Variants in F9 observed in about 807,000 individuals in gnomAD.
F9 encodes coagulation factor IX.
F9 carries 2 observed loss-of-function variants against 34.1 expected under a neutral mutation model. The ratio of observed to expected loss-of-function variants is 0.06; its 90% CI spans 0.02 to 0.18. The LOEUF (loss-of-function observed/expected upper bound fraction) is 0.18, where lower values mean the gene tolerates loss of function less well. Among genes scored for constraint, F9 ranks in the 10% least tolerant of loss-of-function variants. The probability of loss-of-function intolerance (pLI) is 1.00; values close to 1 mark genes in which losing one functional copy is unlikely to be tolerated. For missense variants in F9, 216 were observed against 345.1 expected (o/e 0.63, Z 2.96); for synonymous variants, 137 against 118.8 (o/e 1.15, Z -1.00).
intron 3 of F9, among the ~76,000 whole-genome samples, chrX:139,538,381 T>C (rs1927531447): frequency 9.0e-6 from 1 of 111,511 alleles, no homozygotes; most frequent in African/African-American, 3.3e-5. Flanking sequence ...GGAGGGTAAG[T>C]TTCAAAGATT....
intron 3 of F9, among the ~76,000 whole-genome samples, chrX:139,539,851 G>T (rs986333629): frequency 2.5e-4 from 28 of 111,265 alleles, no homozygotes; most frequent in African/African-American, 8.5e-4. Flanking sequence ...TCCAGGGAGG[G>T]ACTACTTATG....
intron 4 of F9, among the ~76,000 whole-genome samples, chrX:139,544,228 A>G (rs1275352480): frequency 6.3e-5 from 7 of 111,993 alleles, no homozygotes; most frequent in Non-Finnish European, 1.3e-4. Context: ...TTGACGGAAC[A>G]CTTTCTACAG....
chrX:139,537,429 T>A, intron 3 of F9, 43 bp downstream of exon 3: 1 of 1,064,278 alleles, frequency 9.4e-7, no homozygotes, highest in Non-Finnish European at 1.3e-6. Flanking sequence ...ATGAAACATA[T>A]GAGAATTATG....
At chrX:139,531,505 AAC>A (rs768074649) in intron 1 of F9, among the ~76,000 whole-genome samples, 3 of 112,413 alleles carry the variant, frequency 2.7e-5, no homozygotes, top group Non-Finnish European at 5.6e-5. Context: ...TATTTGGGGA[AAC>A]ACAATACTCA....
Position 139,551,137 on chromosome X carries a change from T to C in F9, c.596T>C (p.Val199Ala). 2.5e-6 allele frequency: 3 copies of C among 1,211,299 alleles called. No homozygotes were observed. Among genetic ancestry groups the C allele is most frequent in the Non-Finnish European group, 3.4e-6 (3 of 894,868 alleles). The part of the protein sequence containing the change: ...LTRAETVFPD[V>A]DYVNSTEAET... The stretch of plus-strand genomic sequence containing the variant: ...CGTGCTGAGACTGTTTTTCCTGATG[T>C]GGACTATGTAAATTCTACTGAAGCT... The change falls in exon 6 of 8, where the codon GTG (valine) becomes GCG (alanine). Residue 199 changes from valine (V) to alanine (A), a missense_variant. This residue lies in a region of F9 where 177 missense variants were observed against 311.8 expected (regional missense o/e 0.57). Transcript: ENST00000218099.
rs754300194 is a variant in F9, at chrX:139,563,267, G to A, written c.*1196G>A. The A allele has an allele frequency of 9.0e-6, 1 of 110,739 alleles. No individual in the cohort carries two copies. The highest frequency in any genetic ancestry group is 9.6e-5 in the Admixed American group (1 of 10,363). 9.1% of individuals were successfully genotyped at this position (110,739 alleles called of 1,213,427 possible). ...TCCTTTAACTAGCATACCCCGAAGT[G>A]GAGAAGGGTGCAGCAGGCTCAAAGG... On this transcript the variant is annotated 3_prime_UTR_variant, in exon 8 of 8. Coordinates refer to ENST00000218099, the MANE Select transcript of F9 (RefSeq NM_000133.4).
At chrX:139,534,146 A>G (rs1370637401) in intron 1 of F9, among the ~76,000 whole-genome samples, 1 of 112,239 alleles carries the variant, frequency 8.9e-6, no homozygotes, top group Non-Finnish European at 1.9e-5. Context: ...GAAAAGAGCT[A>G]CACAGAAGTT....
intron 4 of F9, among the ~76,000 whole-genome samples, chrX:139,546,252 A>G (rs918360301): frequency 3.6e-5 from 4 of 112,021 alleles, no homozygotes; most frequent in Non-Finnish European, 7.5e-5. Context: ...AAAAGACATA[A>G]TCTCCTTCTT....
At chrX:139,534,585 C>G (rs1256227508) in intron 1 of F9, among the ~76,000 whole-genome samples, 1 of 112,367 alleles carries the variant, frequency 8.9e-6, no homozygotes, top group Non-Finnish European at 1.9e-5. Context: ...ATTCCCTAAA[C>G]AATACAGCAT....
At chrX:139,536,167 A>G (rs1442664789) in intron 1 of F9, among the ~76,000 whole-genome samples, 1 of 106,018 alleles carries the variant, frequency 9.4e-6, no homozygotes, top group Admixed American at 1.0e-4. Context: ...GTGTGTGTAT[A>G]TATGTATACA....
Position 139,562,193 on chromosome X carries a change from T to C in F9, c.*122T>C, listed in dbSNP as rs748742092. Reference sequence around the variant, plus strand: ...TATACATTCTATGATCATTGCTTTTTCTCTTTACAGGGGAGAATTTCATAT... The same window carrying C: ...TATACATTCTATGATCATTGCTTTTCCTCTTTACAGGGGAGAATTTCATAT... On this transcript the variant is annotated 3_prime_UTR_variant, in exon 8 of 8. Transcript: ENST00000218099. 64 of 641,895 alleles carry C rather than the reference T, an allele frequency of 1.0e-4. 1 individual carries two copies. Among genetic ancestry groups the C allele is most frequent in the Admixed American group, 5.6e-4 (19 of 33,715 alleles). 52.9% of individuals were successfully genotyped at this position (641,895 alleles called of 1,213,427 possible).
intron 1 of F9, 105 bp from the exon 2 acceptor site, chrX:139,536,904 CT>C: frequency 2.3e-6 from 2 of 871,317 alleles, no homozygotes; most frequent in Non-Finnish European, 3.3e-6. Flanking sequence ...GAGAAATTGG[CT>C]TTCAGATTAT....
At chrX:139,555,485 C>A (rs934288738) in intron 6 of F9, among the ~76,000 whole-genome samples, 1 of 113,016 alleles carries the variant, frequency 8.8e-6, no homozygotes, top group Non-Finnish European at 1.9e-5. Flanking sequence ...ACGGCGCTGC[C>A]GGCCCCATCC....
Position 139,561,757 on chromosome X carries a change from A to G in F9, c.1072A>G (p.Arg358Gly), listed in dbSNP as rs2148367910. The change falls in exon 8 of 8, where the codon AGA becomes GGA. Residue 358 changes from arginine to glycine, a missense_variant. Arg to Gly is a moderately radical substitution (Grantham distance 125). Transcript: ENST00000218099. ...FGSGYVSGWG[R>G]VFHKGRSALV... ...ATCTGGCTATGTAAGTGGCTGGGGA[A>G]GAGTCTTCCACAAAGGGAGATCAGC... The G allele has an allele frequency of 8.3e-7, 1 of 1,210,413 alleles. No individual in the cohort carries two copies. The highest frequency in any genetic ancestry group is 1.7e-5 in the African/African-American group (1 of 57,324).
At position 139,540,276 on chromosome X, in the gene F9, G is replaced by C. The variant is rs768555355; in HGVS notation, c.278-800G>C. Among the ~76,000 whole-genome samples the C allele has an allele frequency of 6.1e-4, 68 of 111,745 alleles. 1 individual carries two copies. Among genetic ancestry groups the C allele is most frequent in the African/African-American group, 2.1e-3 (65 of 30,819 alleles). On this transcript the variant is annotated intron_variant, in intron 3 of 7. Coordinates refer to ENST00000218099, the MANE Select transcript of F9 (RefSeq NM_000133.4). The stretch of plus-strand genomic sequence containing the variant: ...CTCCTTTCACCTATTCCTTCCTCCT[G>C]TTTTCTTACCATCAGTGTCTTCAAA...
chrX:139,549,611 C>T (rs4149710), intron 5 of F9, among the ~76,000 whole-genome samples: 2,331 of 112,456 alleles, frequency 0.021, 68 homozygotes, highest in African/African-American at 0.068. Flanking sequence ...GGAACATGTC[C>T]TTAAGGCACA....
At chrX:139,551,925 C>T (rs987534985) in intron 6 of F9, among the ~76,000 whole-genome samples, 1 of 111,957 alleles carries the variant, frequency 8.9e-6, no homozygotes, top group Non-Finnish European at 1.9e-5. Flanking sequence ...TGCAGTGGCT[C>T]ATGCCAATAA....
At position 139,562,900 on chromosome X, in the gene F9, T is replaced by C. The variant is rs1603267594; in HGVS notation, c.*829T>C. ...TATAATATACAATATAAATATATAGTGTGTGTGTATGCGTGTGTGTAGACA... is the reference window on the plus strand; with the variant it reads ...TATAATATACAATATAAATATATAGCGTGTGTGTATGCGTGTGTGTAGACA... On this transcript the variant is annotated 3_prime_UTR_variant, in exon 8 of 8. Coordinates refer to ENST00000218099, the MANE Select transcript of F9 (RefSeq NM_000133.4). The C allele has an allele frequency of 1.1e-5, 1 of 92,157 alleles. No individual in the cohort carries two copies. Among genetic ancestry groups the C allele is most frequent in the African/African-American group, 3.6e-5 (1 of 27,538 alleles). The allele number at this position is 92,157 out of a possible 1,213,427, so 7.6% of individuals were successfully genotyped here.
intron 2 of F9, 77 bp downstream of exon 2, chrX:139,537,250 A>G: frequency 8.9e-7 from 1 of 1,121,099 alleles, no homozygotes; most frequent in Non-Finnish European, 1.2e-6. Context: ...TCTCTTTAAA[A>G]TTTTAAAGCA....
Sources: gnomAD v4.1 joint callset for allele counts (sites outside exome capture counted in the v4.1 genomes callset) on GRCh38, gnomAD v4.1.1 for gene constraint, gnomAD v4.1.1 regional missense constraint, MANE v1.5 for transcripts, NCBI Gene and HGNC (gene_info 2026-07-23, HGNC 2026-07-21) for gene names.